GAS2L1: variants seen among roughly 807,000 people sequenced by gnomAD.
GAS2L1 encodes the protein GAS2-like protein 1.
A neutral mutation model predicts 44.0 loss-of-function variants in GAS2L1; 26 were observed. That is an observed-to-expected ratio of 0.59 (90% CI 0.43 to 0.82). The LOEUF is 0.82. GAS2L1 is among the 40% of genes least tolerant of loss of function. The pLI, the probability that GAS2L1 is intolerant of heterozygous loss-of-function variation, is 0.00. For synonymous variants in GAS2L1, 426 were observed against 415.9 expected, an observed-to-expected ratio of 1.02 and a Z score of -0.30; for missense variants, 1,006 against 983.0, an observed-to-expected ratio of 1.02 and a Z score of -0.31.
exon 5 of GAS2L1, chr22:29,312,530 C>G (rs1311323939): frequency 3.5e-6 from 5 of 1,443,200 alleles, no homozygotes; most frequent in Non-Finnish European, 4.6e-6. Flanking sequence ...GACCCCATCC[C>G]TTCTCCTTTT....
At chr22:29,308,820 C>T (rs1466226756) in intron 1 of GAS2L1, 82 bp downstream of exon 2, 1 of 1,122,606 alleles carries the variant, frequency 8.9e-7, no homozygotes, top group Non-Finnish European at 1.2e-6. Flanking sequence ...CCAGGGTCCA[C>T]CCTGCTATCT....
chr22:29,309,819 G>A (rs1420987731), intron 1 of GAS2L1, among the ~76,000 whole-genome samples: 3 of 152,340 alleles, frequency 2.0e-5, no homozygotes, highest in South Asian at 4.1e-4. Context: ...TGGGTGAAGC[G>A]GGAGTGAGGA....
rs1301951438 is a variant in GAS2L1 at position 29,308,842 on chromosome 22, T to C, written c.633+104T>C. ...CCACCCTGCTATCTGCAGAACAGTC[T>C]GCCCCACAAAAAGAGTGCACATGTT... On this transcript the variant is annotated intron_variant, in intron 1 of 4. Transcript: ENST00000618518. 12 of 918,988 alleles carry C rather than the reference T, an allele frequency of 1.3e-5. No individual in the cohort carries two copies. In the East Asian group the frequency reaches 3.1e-4, roughly 24 times the overall value. 56.9% of individuals were successfully genotyped at this position (918,988 alleles called of 1,614,324 possible).
At chr22:29,310,288 T>G in intron 1 of GAS2L1, 151 bp from the exon 3 acceptor site, 2 of 460,880 alleles carry the variant, frequency 4.3e-6, no homozygotes, top group Non-Finnish European at 3.9e-6. Context: ...AAAAGAAAGG[T>G]CACGTGTGGA....
exon 1 of GAS2L1, chr22:29,308,510 C>T (rs2061372084): frequency 3.7e-6 from 6 of 1,608,714 alleles, no homozygotes; most frequent in East Asian, 2.2e-5. Context: ...ACGAGAAGAG[C>T]GTGGTGCTGT....
chr22:29,311,718 G>C (rs1339303677), exon 5 of GAS2L1: 1 of 1,531,282 alleles, frequency 6.5e-7, no homozygotes, highest in Admixed American at 2.0e-5. Flanking sequence ...AGGCAGGGGA[G>C]CCCAGCTGTC....
rs889372782 is a variant in GAS2L1 at position 29,311,288 on chromosome 22, G to A, written c.1011-174G>A. ...AAACTTCTTCTTCCGTGGCTTTTGG[G>A]GCCCTGGGCCGCTGGAGGAAGCTGC... On this transcript the variant is annotated intron_variant, in intron 4 of 4. Transcript: ENST00000618518. 14 of 583,322 alleles carry A rather than the reference G, an allele frequency of 2.4e-5. No homozygotes were observed. In the East Asian group the frequency reaches 3.2e-4, roughly 13 times the overall value. 36.1% of individuals were successfully genotyped at this position (583,322 alleles called of 1,614,324 possible).
chr22:29,310,340 C>T lies in GAS2L1; in HGVS notation c.634-99C>T, dbSNP rs568291526. 126 of 703,902 alleles carry T rather than the reference C, an allele frequency of 1.8e-4. No homozygotes were observed. The African/African-American group carries it at 2.1e-3, about 12-fold the overall frequency. 43.6% of individuals were successfully genotyped at this position (703,902 alleles called of 1,614,324 possible). On this transcript the variant is annotated intron_variant, in intron 1 of 4. Transcript: ENST00000618518. ...GGGCAACACTGCCTCCATCCACTTA[C>T]CCGGAAAGCCTGACTTCCTCCTGAC...
exon 1 of GAS2L1, chr22:29,308,110 C>T (rs912801365): frequency 1.2e-5 from 19 of 1,559,298 alleles, no homozygotes; most frequent in Non-Finnish European, 1.6e-5. Flanking sequence ...CCGGGCATGG[C>T]AGACCCAGTG....
chr22:29,311,927 T>C, exon 5 of GAS2L1: 1 of 1,604,304 alleles, frequency 6.2e-7, no homozygotes, highest in Non-Finnish European at 8.5e-7. Flanking sequence ...CCAGCCCCAG[T>C]CCAGAGTTGG....
exon 5 of GAS2L1, chr22:29,312,080 AGCCCCTGACCCAGCTCGG>A: frequency 6.2e-7 from 1 of 1,612,890 alleles, no homozygotes; most frequent in Non-Finnish European, 8.5e-7. Context: ...CCACTGGACC[AGCCCCTGACCCAGCTCGG>A]GCCCCCGACC....
exon 1 of GAS2L1, chr22:29,307,784 C>T (rs2061363374): frequency 8.8e-6 from 2 of 227,934 alleles, no homozygotes; most frequent in East Asian, 8.3e-5. Context: ...ACAATGGGCG[C>T]GCCTCCCTGC....
exon 1 of GAS2L1, chr22:29,308,103 G>C: frequency 6.4e-7 from 1 of 1,553,714 alleles, no homozygotes; most frequent in Non-Finnish European, 8.7e-7. Context: ...GGCCGGTCCG[G>C]GCATGGCAGA....
exon 5 of GAS2L1, chr22:29,311,655 C>T (rs909903707): frequency 7.8e-6 from 12 of 1,530,618 alleles, no homozygotes; most frequent in South Asian, 2.4e-5. Flanking sequence ...TCCTGCCCTG[C>T]GCAGCCAGTC....
At chr22:29,307,144 G>A (rs1248437830) in exon 1 of GAS2L1, 1 of 151,750 alleles carries the variant, frequency 6.6e-6, no homozygotes, top group Non-Finnish European at 1.5e-5. Context: ...GGGGCCGCGG[G>A]ATGAGCCAGG....
At chr22:29,308,135 C>G (rs11090564) in exon 1 of GAS2L1, 1 of 1,559,514 alleles carries the variant, frequency 6.4e-7, no homozygotes. Context: ...GCATCGCGGG[C>G]TCGGCGGCCA....
exon 5 of GAS2L1, chr22:29,311,673 C>G: frequency 3.9e-6 from 6 of 1,522,356 alleles, no homozygotes; most frequent in Non-Finnish European, 3.5e-6. Context: ...GTCCCGAGAC[C>G]GGCTGGATCG....
chr22:29,311,254 G>T (rs539700115), intron 4 of GAS2L1: 1 of 586,338 alleles, frequency 1.7e-6, no homozygotes, highest in African/African-American at 1.9e-5. Context: ...GGGGTGTCTA[G>T]AGCCCAGGAA....
chr22:29,309,753 TG>T (rs1342246620), intron 1 of GAS2L1, among the ~76,000 whole-genome samples: 3 of 152,196 alleles, frequency 2.0e-5, no homozygotes, highest in Admixed American at 6.5e-5. Flanking sequence ...CCCCTGCACC[TG>T]TGTCCTGTAG....
Sources: gnomAD v4.1 joint callset for allele counts (sites outside exome capture counted in the v4.1 genomes callset) on GRCh38, gnomAD v4.1.1 for gene constraint, MANE v1.5 for transcripts, NCBI Gene and HGNC (gene_info 2026-07-23, HGNC 2026-07-21) for gene names.